The following FBXL17 variants were observed in gnomAD, a reference collection of about 807,000 sequenced individuals.
FBXL17 encodes the protein F-box/LRR-repeat protein 17.
FBXL17 carries 22 observed loss-of-function variants against 66.2 expected under a neutral mutation model. That is an observed-to-expected ratio of 0.33 (90% confidence interval 0.24 to 0.47). The LOEUF (loss-of-function observed/expected upper bound fraction) is 0.47. Ranked by LOEUF, FBXL17 falls within the 20% of genes least tolerant of loss-of-function variation. FBXL17 has a pLI of 1.00. For synonymous variants in FBXL17, 474 were observed against 400.5 expected (o/e 1.18, Z -2.19); for missense variants, 878 against 948.2 (o/e 0.93, Z 0.97).
chr5:108,067,321 C>G (rs1359460332), intron 6 of FBXL17, among the ~76,000 whole-genome samples: 1 of 151,994 alleles, frequency 6.6e-6, no homozygotes, highest in East Asian at 1.9e-4. Context: ...CTTCTGGGCA[C>G]TATATCATTT....
chr5:108,277,850 G>C (rs1757545927), intron 4 of FBXL17, among the ~76,000 whole-genome samples: 1 of 152,164 alleles, frequency 6.6e-6, no homozygotes, highest in Non-Finnish European at 1.5e-5. Context: ...TATTAAGTGT[G>C]AAATACTATC....
rs182905358 is a variant in FBXL17, at chr5:107,881,271, T to C, written c.1823-92A>G. The C allele has an allele frequency of 2.8e-5, 21 of 757,912 alleles. No homozygotes were observed. In the African/African-American group the frequency reaches 3.1e-4, roughly 11 times the overall value. 46.9% of individuals were successfully genotyped at this position (757,912 alleles called of 1,614,324 possible). On this transcript the variant is annotated intron_variant, in intron 7 of 8. Transcript: ENST00000542267. ...TATTCATCTCATTTCCTCACTAAAT[T>C]TGTTCCTGAAATTTTGTGTGTAAAT...
At chr5:108,334,894 G>C (rs1760304992) in intron 4 of FBXL17, among the ~76,000 whole-genome samples, 1 of 152,146 alleles carries the variant, frequency 6.6e-6, no homozygotes, top group African/African-American at 2.4e-5. Context: ...CCACGACTTA[G>C]TGGGTACTGC....
chr5:108,368,574 AAAAG>A (rs1748825017), intron 1 of FBXL17, among the ~76,000 whole-genome samples: 1 of 152,136 alleles, frequency 6.6e-6, no homozygotes, highest in South Asian at 2.1e-4. Flanking sequence ...AAACAACAAA[AAAAG>A]AAAGCAATTA....
At chr5:108,271,115 G>A (rs1445284175) in intron 4 of FBXL17, among the ~76,000 whole-genome samples, 1 of 150,842 alleles carries the variant, frequency 6.6e-6, no homozygotes, top group Non-Finnish European at 1.5e-5. Context: ...AGCAACAGAA[G>A]AGAATATGAT....
chr5:108,087,482 G>C (rs1256777437), intron 6 of FBXL17, among the ~76,000 whole-genome samples: 1 of 152,042 alleles, frequency 6.6e-6, no homozygotes, highest in Non-Finnish European at 1.5e-5. Flanking sequence ...GAGGGCTCCT[G>C]TTGGGTTGGC....
intron 7 of FBXL17, among the ~76,000 whole-genome samples, chr5:107,947,189 T>C (rs1751337841): frequency 6.6e-6 from 1 of 152,204 alleles, no homozygotes; most frequent in Non-Finnish European, 1.5e-5. Context: ...CAATGGCCTT[T>C]ACCGCGGCAT....
At position 108,186,334 on chromosome 5, in the gene FBXL17, A is replaced by G; in HGVS notation, c.1615-87T>C. ...ACAAATGTAGTTTATTACAAGGTAG[A>G]GTATCACTGTAAAATATTTAAAACA... is the stretch of plus-strand genomic sequence containing the variant. On this transcript the variant is annotated intron_variant, in intron 5 of 8. Coordinates refer to ENST00000542267, the MANE Select transcript of FBXL17 (RefSeq NM_001163315.3). 4.6e-6 allele frequency: 5 copies of G among 1,086,344 alleles called. No homozygotes were observed. The South Asian group carries it at 6.0e-5, about 13-fold the overall frequency. 67.3% of individuals were successfully genotyped at this position (1,086,344 alleles called of 1,614,324 possible). A position where few individuals can be genotyped will look rare whatever the true frequency, so the allele number is the denominator to read the frequency against.
intron 7 of FBXL17, among the ~76,000 whole-genome samples, chr5:107,882,675 C>A (rs1016450942): frequency 1.3e-5 from 2 of 152,146 alleles, no homozygotes; most frequent in Non-Finnish European, 2.9e-5. Context: ...TTTGGTGTCT[C>A]TGACCTAAGA....
chr5:108,039,859 A>G (rs1746982217), intron 6 of FBXL17, among the ~76,000 whole-genome samples: 1 of 152,198 alleles, frequency 6.6e-6, no homozygotes, highest in African/African-American at 2.4e-5. Flanking sequence ...GCAGCAAATC[A>G]GAATAAAATT....
intron 6 of FBXL17, among the ~76,000 whole-genome samples, chr5:108,099,203 T>C (rs374301697): frequency 1.3e-5 from 2 of 152,076 alleles, no homozygotes; most frequent in Non-Finnish European, 2.9e-5. Flanking sequence ...AACTTTAATA[T>C]AGTTGATTAA....
intron 7 of FBXL17, among the ~76,000 whole-genome samples, chr5:107,961,553 TG>T (rs1406528839): frequency 6.6e-6 from 1 of 151,888 alleles, no homozygotes; most frequent in Non-Finnish European, 1.5e-5. Flanking sequence ...ACCAATGTGA[TG>T]GGGGTGTAGA....
At chr5:107,865,250 A>G (rs909013645) in intron 8 of FBXL17, among the ~76,000 whole-genome samples, 2 of 152,250 alleles carry the variant, frequency 1.3e-5, no homozygotes, top group African/African-American at 4.8e-5. Flanking sequence ...TGGAGGGCCA[A>G]TTAATTTAAA....
At chr5:108,253,257 A>ATTT (rs1561489520) in intron 4 of FBXL17, among the ~76,000 whole-genome samples, 280 of 152,004 alleles carry the variant, frequency 1.8e-3, no homozygotes, top group African/African-American at 6.3e-3. Context: ...GATTTTTTTA[A>ATTT]AAATTTTTAT....
chr5:107,925,604 C>A (rs1201659256), intron 7 of FBXL17, among the ~76,000 whole-genome samples: 1 of 152,212 alleles, frequency 6.6e-6, no homozygotes, highest in African/African-American at 2.4e-5. Context: ...TAATAAATAT[C>A]CCAGTTTCTT....
chr5:108,326,732 T>A (rs74824716), intron 4 of FBXL17, among the ~76,000 whole-genome samples: 2,546 of 152,210 alleles, frequency 0.017, 81 homozygotes, highest in African/African-American at 0.059. Flanking sequence ...GGTACCACCA[T>A]ACACTCACTG....
At chr5:108,025,042 C>T (rs1319036564) in intron 6 of FBXL17, among the ~76,000 whole-genome samples, 3 of 152,036 alleles carry the variant, frequency 2.0e-5, no homozygotes, top group Non-Finnish European at 1.5e-5. Flanking sequence ...ACATACATAC[C>T]AAATTTTTAT....
chr5:108,126,651 C>CTCTATA (rs1554067324), intron 6 of FBXL17, among the ~76,000 whole-genome samples: 1 of 108,042 alleles, frequency 9.3e-6, no homozygotes, highest in African/African-American at 3.1e-5. Flanking sequence ...CTCTCTCTCT[C>CTCTATA]TATATATATA....
intron 6 of FBXL17, among the ~76,000 whole-genome samples, chr5:108,158,730 T>C (rs184021477): frequency 4.6e-5 from 7 of 152,264 alleles, no homozygotes; most frequent in African/African-American, 1.7e-4. Context: ...ATCAGGATAA[T>C]AGTCACTGAT....
Sources: allele counts gnomAD v4.1 joint callset (sites outside exome capture counted in the v4.1 genomes callset), GRCh38; gene constraint gnomAD v4.1.1; transcripts MANE v1.5; gene names NCBI Gene and HGNC (gene_info 2026-07-23, HGNC 2026-07-21).